Variants in MCUB observed in about 807,000 individuals in gnomAD.
The protein encoded by MCUB is mitochondrial calcium uniporter dominant negative subunit beta.
MCUB carries 46 observed loss-of-function variants against 41.4 expected under a neutral mutation model. That is an observed-to-expected ratio of 1.11 (90% CI 0.88 to 1.42). The LOEUF (loss-of-function observed/expected upper bound fraction) is 1.42, where lower values mean the gene tolerates loss of function less well. MCUB is among the 40% of genes most tolerant of loss of function. MCUB has a pLI of 0.00. For synonymous variants in MCUB, 148 were observed against 148.2 expected, an observed-to-expected ratio of 1.00 and a Z score of 0.01; for missense variants, 403 against 404.9, an observed-to-expected ratio of 1.00 and a Z score of 0.04.
intron 1 of MCUB, among the ~76,000 whole-genome samples, chr4:109,597,912 A>G (rs1288454380): frequency 6.7e-6 from 1 of 148,594 alleles, no homozygotes; most frequent in Non-Finnish European, 1.5e-5. Flanking sequence ...CTCACCTCCC[A>G]GACGGGGTCG....
chr4:109,684,657 T>A lies in MCUB; in HGVS notation c.816+11T>A, dbSNP rs1302302617. 2.3e-6 allele frequency: 3 copies of A among 1,288,902 alleles called. No individual in the cohort carries two copies. In the Admixed American group the frequency reaches 5.4e-5, roughly 23 times the overall value. The allele number at this position is 1,288,902 out of a possible 1,614,324, so 79.8% of individuals were successfully genotyped here. A position where few individuals can be genotyped will look rare whatever the true frequency, so the allele number is the denominator to read the frequency against. On this transcript the variant is annotated intron_variant, in intron 6 of 7. Coordinates refer to ENST00000394650, the MANE Select transcript of MCUB (RefSeq NM_017918.5). The stretch of plus-strand genomic sequence containing the variant: ...ATAGTCACTCGACAGGTGAGTAGTT[T>A]GTTAGGAAAATGGTAAGTTAGAACA...
At chr4:109,566,732 A>G (rs189896944) in intron 1 of MCUB, among the ~76,000 whole-genome samples, 1 of 152,274 alleles carries the variant, frequency 6.6e-6, no homozygotes, top group African/African-American at 2.4e-5. Context: ...AACAGGCCCA[A>G]ATAGACTGAA....
At chr4:109,563,715 A>C (rs1444032669) in intron 1 of MCUB, among the ~76,000 whole-genome samples, 1 of 152,206 alleles carries the variant, frequency 6.6e-6, no homozygotes, top group Non-Finnish European at 1.5e-5. Context: ...GCTGTTTTAC[A>C]GCAAATTCTA....
chr4:109,629,800 G>C (rs1305456827), intron 1 of MCUB, among the ~76,000 whole-genome samples: 6 of 152,246 alleles, frequency 3.9e-5, no homozygotes, highest in Non-Finnish European at 7.3e-5. Flanking sequence ...CTACCTGGAA[G>C]CTCTCCAAAC....
chr4:109,663,239 C>G (rs1729265590), intron 3 of MCUB, among the ~76,000 whole-genome samples: 3 of 152,198 alleles, frequency 2.0e-5, no homozygotes, highest in Admixed American at 2.0e-4. Context: ...TATATGTGAA[C>G]TATTCTGAAG....
intron 1 of MCUB, among the ~76,000 whole-genome samples, chr4:109,655,598 G>C (rs1371042912): frequency 2.0e-5 from 3 of 152,082 alleles, no homozygotes; most frequent in Non-Finnish European, 2.9e-5. Context: ...AACAAAAAAT[G>C]CTTCATGGTT....
At chr4:109,667,575 A>G (rs72886533) in intron 4 of MCUB, among the ~76,000 whole-genome samples, 7,630 of 150,966 alleles carry the variant, frequency 0.051, 672 homozygotes, top group African/African-American at 0.18. Flanking sequence ...TCCTGTTCTC[A>G]ATTTCATTGG....
chr4:109,613,842 A>G (rs1434448656), intron 1 of MCUB, among the ~76,000 whole-genome samples: 1 of 69,454 alleles, frequency 1.4e-5, no homozygotes, highest in African/African-American at 7.8e-5. Flanking sequence ...CAGAGAAATC[A>G]GGTATATACT....
chr4:109,611,097 G>A (rs1029337906), intron 1 of MCUB, among the ~76,000 whole-genome samples: 1 of 150,166 alleles, frequency 6.7e-6, no homozygotes, highest in East Asian at 1.9e-4. Flanking sequence ...CTTTGAGATA[G>A]GATAAGAAGA....
chr4:109,684,728 T>C lies in MCUB; in HGVS notation c.816+82T>C, dbSNP rs186546362. Reference sequence around the variant, plus strand: ...TCTAAGCAATGAGCAAAAAAGCCTTTTTATTTACTGAATTACTGCCATCTG... The same window carrying C: ...TCTAAGCAATGAGCAAAAAAGCCTTCTTATTTACTGAATTACTGCCATCTG... On this transcript the variant is annotated intron_variant, in intron 6 of 7. Coordinates refer to ENST00000394650, the MANE Select transcript of MCUB (RefSeq NM_017918.5). The C allele has an allele frequency of 1.0e-5, 7 of 695,824 alleles. No individual in the cohort carries two copies. The Admixed American group carries it at 1.3e-4, about 13-fold the overall frequency. 43.1% of individuals were successfully genotyped at this position (695,824 alleles called of 1,614,324 possible).
At chr4:109,629,509 T>C (rs1016647509) in intron 1 of MCUB, among the ~76,000 whole-genome samples, 1 of 152,180 alleles carries the variant, frequency 6.6e-6, no homozygotes, top group Admixed American at 6.5e-5. Flanking sequence ...TGACACTGTA[T>C]ACCTGGAGAT....
intron 1 of MCUB, among the ~76,000 whole-genome samples, chr4:109,629,866 G>A (rs558168270): frequency 3.9e-5 from 6 of 152,162 alleles, no homozygotes; most frequent in Non-Finnish European, 8.8e-5. Context: ...TTCATTAAAC[G>A]TTTGGCCATT....
chr4:109,578,844 G>A (rs1186993334), intron 1 of MCUB, among the ~76,000 whole-genome samples: 1 of 152,020 alleles, frequency 6.6e-6, no homozygotes, highest in Non-Finnish European at 1.5e-5. Context: ...AATAGACATG[G>A]GCAAACTGAA....
At chr4:109,674,705 CATG>C (rs1406758007) in intron 4 of MCUB, among the ~76,000 whole-genome samples, 1 of 152,194 alleles carries the variant, frequency 6.6e-6, no homozygotes. Context: ...CAATTGTAAA[CATG>C]AGAATAACTT....
intron 1 of MCUB, among the ~76,000 whole-genome samples, chr4:109,627,973 AT>A: frequency 6.6e-6 from 1 of 152,070 alleles, no homozygotes; most frequent in African/African-American, 2.4e-5. Context: ...GGAGAAGCCA[AT>A]AAAAAAGGGA....
intron 1 of MCUB, among the ~76,000 whole-genome samples, chr4:109,591,548 T>C (rs1483195245): frequency 6.6e-6 from 1 of 152,120 alleles, no homozygotes; most frequent in Non-Finnish European, 1.5e-5. Context: ...GTAGAAGACC[T>C]CTTTCAGTAG....
intron 4 of MCUB, among the ~76,000 whole-genome samples, chr4:109,676,420 C>A (rs776413853): frequency 6.6e-6 from 1 of 152,160 alleles, no homozygotes; most frequent in Non-Finnish European, 1.5e-5. Context: ...ATCTGATAAG[C>A]TCTTTGAAAT....
chr4:109,677,802 ATTTTTTTTT>A (rs71595506), intron 4 of MCUB, among the ~76,000 whole-genome samples: 3 of 86,606 alleles, frequency 3.5e-5, no homozygotes, highest in African/African-American at 1.4e-4. Flanking sequence ...AAGGAAACAA[ATTTTTTTTT>A]TTTTTTTTTT....
At chr4:109,676,565 A>G (rs932743882) in intron 4 of MCUB, among the ~76,000 whole-genome samples, 2 of 152,114 alleles carry the variant, frequency 1.3e-5, no homozygotes, top group African/African-American at 4.8e-5. Flanking sequence ...TGCTCTTCCA[A>G]ACTCTTCCAG....
Sources: gnomAD v4.1 joint callset for allele counts (sites outside exome capture counted in the v4.1 genomes callset) on GRCh38, gnomAD v4.1.1 for gene constraint, MANE v1.5 for transcripts, NCBI Gene and HGNC (gene_info 2026-07-23, HGNC 2026-07-21) for gene names.